The following IL7 variants were observed in gnomAD, a reference collection of about 807,000 sequenced individuals.
IL7 encodes interleukin-7.
A neutral mutation model predicts 21.6 loss-of-function variants in IL7; 3 were observed. The ratio of observed to expected loss-of-function variants is 0.14; its 90% CI spans 0.06 to 0.36. The LOEUF (loss-of-function observed/expected upper bound fraction) is 0.36, where lower values mean the gene tolerates loss of function less well. IL7 is among the 10% of genes least tolerant of loss of function. IL7 has a pLI of 1.00. For synonymous variants in IL7, 62 were observed against 68.1 expected (o/e 0.91, Z 0.44); for missense variants, 175 against 200.2 (o/e 0.87, Z 0.76).
chr8:78,694,728 TTTTCCAATTTCATTAGTCATTAGTC>T (rs1217409326), intron 3 of IL7, among the ~76,000 whole-genome samples: 4 of 152,198 alleles, frequency 2.6e-5, no homozygotes, highest in Non-Finnish European at 5.9e-5. Context: ...TCTTTAGACT[TTTTCCAATTTCATTAGTCATTAGTC>T]TTTGTATAAA....
At chr8:78,712,839 A>G (rs554153710) in intron 3 of IL7, among the ~76,000 whole-genome samples, 31 of 152,322 alleles carry the variant, frequency 2.0e-4, no homozygotes, top group South Asian at 4.1e-4. Context: ...AATATTAAGC[A>G]GAGTAACTTA....
intron 2 of IL7, among the ~76,000 whole-genome samples, chr8:78,750,140 A>C (rs1812117325): frequency 6.6e-6 from 1 of 152,132 alleles, no homozygotes; most frequent in South Asian, 2.1e-4. Context: ...AGGTTTTATC[A>C]GAGTCTGATC....
chr8:78,748,667 C>T (rs934498894), intron 2 of IL7, among the ~76,000 whole-genome samples: 9 of 152,056 alleles, frequency 5.9e-5, no homozygotes, highest in South Asian at 2.1e-4. Flanking sequence ...AAACAGATGA[C>T]GTTTGAGCTG....
intron 2 of IL7, among the ~76,000 whole-genome samples, chr8:78,763,510 T>C (rs1218136597): frequency 1.3e-5 from 2 of 152,154 alleles, no homozygotes; most frequent in African/African-American, 4.8e-5. Context: ...TTAGATCCAA[T>C]AGACATTAAA....
downstream of IL7, among the ~76,000 whole-genome samples, chr8:78,714,050 A>C (rs1463185343): frequency 6.6e-6 from 1 of 152,164 alleles, no homozygotes; most frequent in Non-Finnish European, 1.5e-5. Flanking sequence ...TTTCAACTAA[A>C]GTTTAAGAAC....
chr8:78,691,502 T>C (rs550605530), intron 3 of IL7, among the ~76,000 whole-genome samples: 1 of 152,208 alleles, frequency 6.6e-6, no homozygotes, highest in East Asian at 1.9e-4. Flanking sequence ...TTGGTTTTTG[T>C]ATTTCTTTTT....
downstream of IL7, among the ~76,000 whole-genome samples, chr8:78,729,619 C>T (rs150043568): frequency 6.7e-3 from 1,025 of 151,890 alleles, 15 homozygotes; most frequent in African/African-American, 0.022. Flanking sequence ...AAGGAGATGA[C>T]GGGGTAGATA....
At chr8:78,803,858 G>A (rs1266930689) in intron 1 of IL7, among the ~76,000 whole-genome samples, 1 of 152,084 alleles carries the variant, frequency 6.6e-6, no homozygotes, top group Non-Finnish European at 1.5e-5. Context: ...TACTGAGCTG[G>A]CACTCCTTGG....
chr8:78,720,784 A>G (rs1356885316), intron 5 of IL7, among the ~76,000 whole-genome samples: 2 of 151,952 alleles, frequency 1.3e-5, no homozygotes, highest in African/African-American at 4.8e-5. Context: ...CATATCACTT[A>G]TGGACAATAC....
In IL7 at chr8:78,805,101, C is replaced by T; in HGVS notation, c.-179G>A. 1 of 606,654 alleles carries T rather than the reference C, an allele frequency of 1.6e-6. No individual in the cohort carries two copies. Among genetic ancestry groups the T allele is most frequent in the East Asian group, 3.1e-5 (1 of 31,790 alleles). 37.6% of individuals were successfully genotyped at this position (606,654 alleles called of 1,614,324 possible). A position where few individuals can be genotyped will look rare whatever the true frequency, so the allele number is the denominator to read the frequency against. ...GCCGCGACTGCAGTTTCATCCATCC[C>T]AAGGGGGGCGGCACACACTACGGCG... On this transcript the variant is annotated 5_prime_UTR_variant, in exon 1 of 6. Coordinates refer to ENST00000263851, the MANE Select transcript of IL7 (RefSeq NM_000880.4).
rs537659182 is a variant in IL7, at chr8:78,739,887, T to C, written c.228+115A>G. The C allele has an allele frequency of 7.1e-5, 64 of 906,756 alleles. No individual in the cohort carries two copies. The African/African-American group carries it at 1.1e-3, about 15-fold the overall frequency. The allele number at this position is 906,756 out of a possible 1,614,324, so 56.2% of individuals were successfully genotyped here. A position where few individuals can be genotyped will look rare whatever the true frequency, so the allele number is the denominator to read the frequency against. ...AGTATGATTTAATCAATGGGAATTA[T>C]GTGATCAGGCTGCAAATATTAATAG... is the stretch of plus-strand genomic sequence containing the variant. On this transcript the variant is annotated intron_variant, in intron 3 of 5. Coordinates refer to ENST00000263851, the MANE Select transcript of IL7 (RefSeq NM_000880.4).
At chr8:78,794,761 A>G (rs949222246) in intron 2 of IL7, among the ~76,000 whole-genome samples, 1 of 152,096 alleles carries the variant, frequency 6.6e-6, no homozygotes, top group African/African-American at 2.4e-5. Flanking sequence ...ATAAGCAGAC[A>G]TCTAACAAAC....
At chr8:78,752,689 C>G (rs1005008121) in intron 2 of IL7, among the ~76,000 whole-genome samples, 1 of 152,070 alleles carries the variant, frequency 6.6e-6, no homozygotes, top group African/African-American at 2.4e-5. Flanking sequence ...TGGTTTGTTG[C>G]ACCCGTCAAC....
intron 3 of IL7, among the ~76,000 whole-genome samples, chr8:78,690,618 T>A (rs754227113): frequency 3.3e-5 from 5 of 152,114 alleles, no homozygotes; most frequent in Non-Finnish European, 5.9e-5. Context: ...CATTTTATAA[T>A]TGACTTGTCA....
downstream of IL7, chr8:78,715,087 A>C (rs1443463622): frequency 1.3e-6 from 1 of 741,250 alleles, no homozygotes; most frequent in African/African-American, 1.8e-5. Context: ...CAGATTTAAA[A>C]TAATTATTGG....
chr8:78,782,689 G>A (rs948712606), intron 2 of IL7, among the ~76,000 whole-genome samples: 8 of 152,114 alleles, frequency 5.3e-5, no homozygotes, highest in Non-Finnish European at 1.0e-4. Context: ...GTCTCACCCA[G>A]TCAGGAGAAC....
intron 2 of IL7, among the ~76,000 whole-genome samples, chr8:78,769,643 C>T (rs1812883439): frequency 6.6e-6 from 1 of 152,124 alleles, no homozygotes; most frequent in African/African-American, 2.4e-5. Flanking sequence ...CCATCCCCAT[C>T]AAGCTACCAA....
intron 2 of IL7, among the ~76,000 whole-genome samples, chr8:78,745,271 G>A (rs1811941293): frequency 6.6e-6 from 1 of 152,140 alleles, no homozygotes; most frequent in African/African-American, 2.4e-5. Flanking sequence ...CATAAAAAAT[G>A]AATCTTCTAT....
chr8:78,759,007 T>C (rs1812448969), intron 2 of IL7, among the ~76,000 whole-genome samples: 1 of 151,956 alleles, frequency 6.6e-6, no homozygotes, highest in South Asian at 2.1e-4. Context: ...GTTTGCTTTA[T>C]GGTGTCCTAT....
Sources: allele counts gnomAD v4.1 joint callset (sites outside exome capture counted in the v4.1 genomes callset), GRCh38; gene constraint gnomAD v4.1.1; transcripts MANE v1.5; gene names NCBI Gene and HGNC (gene_info 2026-07-23, HGNC 2026-07-21).